The following SPACA4 variants were observed in gnomAD, a reference collection of about 807,000 sequenced individuals.
SPACA4 encodes the protein sperm acrosome membrane-associated protein 4.
For missense variants in SPACA4, 130 were observed against 169.4 expected, an observed-to-expected ratio of 0.77 and a Z score of 1.29; for synonymous variants, 63 against 77.5, an observed-to-expected ratio of 0.81 and a Z score of 0.98.
chr19:48,607,213 T>A lies in SPACA4; in HGVS notation c.235T>A (p.Tyr79Asn), dbSNP rs1361472287. The change falls in exon 1 of 1, where the codon TAC (tyrosine) becomes AAC (asparagine). Residue 79 changes from tyrosine (Y) to asparagine (N), a missense_variant. By Grantham distance (143) the Tyr-to-Asn change is moderately radical. Transcript: ENST00000321762. ...TSCGLEEPVS[Y>N]RGVTYSLTTN... is the part of the protein sequence containing the mutation. ...CTGCGGCCTTGAGGAACCCGTCAGCTACAGGGGCGTCACCTACAGCCTCAC... is the reference window on the plus strand; with the variant it reads ...CTGCGGCCTTGAGGAACCCGTCAGCAACAGGGGCGTCACCTACAGCCTCAC... 6.2e-7 allele frequency: 1 copy of A among 1,613,196 alleles called. No homozygotes were observed. Among genetic ancestry groups the A allele is most frequent in the Admixed American group, 1.7e-5 (1 of 59,960 alleles).
chr19:48,607,571 A>T lies in SPACA4; in HGVS notation c.*218A>T. 1.6e-6 allele frequency: 1 copy of T among 621,286 alleles called. No individual in the cohort carries two copies. The highest frequency in any genetic ancestry group is 2.9e-6 in the Non-Finnish European group (1 of 349,974). 38.5% of individuals were successfully genotyped at this position (621,286 alleles called of 1,614,324 possible). On this transcript the variant is annotated 3_prime_UTR_variant, in exon 1 of 1. Coordinates refer to ENST00000321762, the MANE Select transcript of SPACA4 (RefSeq NM_133498.3). ...GAGCACGGCCCGTGGGTTTGATTGT[A>T]TTACTCTGTTCCACTGGTTCTAAGA...
chr19:48,607,503 C>T lies in SPACA4; in HGVS notation c.*150C>T, dbSNP rs904316742. ...CTTCTAAGGCTGTCCACCAGGAGCC[C>T]GGTGCTAGGGGAAGCATCCCCAGGC... On this transcript the variant is annotated 3_prime_UTR_variant, in exon 1 of 1. Coordinates refer to ENST00000321762, the MANE Select transcript of SPACA4 (RefSeq NM_133498.3). 2.3e-5 allele frequency: 25 copies of T among 1,104,948 alleles called. No homozygotes were observed. Among genetic ancestry groups the T allele is most frequent in the African/African-American group, 1.3e-4 (8 of 63,062 alleles). The allele number at this position is 1,104,948 out of a possible 1,614,324, so 68.4% of individuals were successfully genotyped here.
rs147138042 is a variant in SPACA4, at chr19:48,607,031, C to T, written c.53C>T (p.Thr18Met). Residue 18 changes from threonine (T) to methionine (M), a missense_variant, in exon 1 of 1, where the codon ACG becomes ATG. By Grantham distance (81) the Thr-to-Met change is moderately conservative. Transcript: ENST00000321762. The part of the protein sequence containing the change: ...LLVMALPPGT[T>M]GVKDCVFCEL... Reference sequence around the variant, plus strand: ...GTGATGGCTCTGCCCCCAGGCACGACGGGCGTCAAGGACTGCGTCTTCTGT... The same window carrying T: ...GTGATGGCTCTGCCCCCAGGCACGATGGGCGTCAAGGACTGCGTCTTCTGT... The T allele has an allele frequency of 1.1e-4, 177 of 1,611,820 alleles. 1 individual carries two copies. Among genetic ancestry groups the T allele is most frequent in the Non-Finnish European group, 7.1e-5 (84 of 1,179,994 alleles).
Position 48,606,965 on chromosome 19 carries a change from G to A in SPACA4, c.-14G>A, listed in dbSNP as rs190082619. On this transcript the variant is annotated 5_prime_UTR_variant, in exon 1 of 1. Transcript: ENST00000321762. ...ACGGCCTGGCTGGGGCAGGGTCAAC[G>A]CCGCCAGGCCGCCATGGTCCTGTGC... 3.3e-4 allele frequency: 530 copies of A among 1,599,994 alleles called. 1 individual carries two copies. In the African/African-American group the frequency reaches 6.0e-3, roughly 18 times the overall value.
rs546733936 is a variant in SPACA4, at chr19:48,607,461, C to T, written c.*108C>T. On this transcript the variant is annotated 3_prime_UTR_variant, in exon 1 of 1. Coordinates refer to ENST00000321762, the MANE Select transcript of SPACA4 (RefSeq NM_133498.3). ...CAGAGAGGCCCTGGACAACCTCTTG[C>T]GGCCCTGGCTTCATCCCTTCTAAGG... is the stretch of plus-strand genomic sequence containing the variant. The T allele has an allele frequency of 1.8e-5, 26 of 1,405,490 alleles. No homozygotes were observed. The highest frequency in any genetic ancestry group is 1.5e-4 in the Admixed American group (6 of 40,454). 87.1% of individuals were successfully genotyped at this position (1,405,490 alleles called of 1,614,324 possible). A position where few individuals can be genotyped will look rare whatever the true frequency, so the allele number is the denominator to read the frequency against.
chr19:48,606,868 G>T lies in SPACA4; in HGVS notation c.-111G>T, dbSNP rs943190958. ...CTGACCCTGGGAGGCCAGGACCAGG[G>T]CCAAAGTCCCGTGGGCAAGAGGAGT... On this transcript the variant is annotated 5_prime_UTR_variant, in exon 1 of 1. Coordinates refer to ENST00000321762, the MANE Select transcript of SPACA4 (RefSeq NM_133498.3). 2.6e-5 allele frequency: 36 copies of T among 1,391,992 alleles called. No individual in the cohort carries two copies. In the Admixed American group the frequency reaches 9.1e-4, roughly 35 times the overall value. 86.2% of individuals were successfully genotyped at this position (1,391,992 alleles called of 1,614,324 possible). A position where few individuals can be genotyped will look rare whatever the true frequency, so the allele number is the denominator to read the frequency against.
At position 48,607,537 on chromosome 19, in the gene SPACA4, G is replaced by A; in HGVS notation, c.*184G>A. 1.3e-6 allele frequency: 1 copy of A among 786,436 alleles called. No individual in the cohort carries two copies. Among genetic ancestry groups the A allele is most frequent in the East Asian group, 2.7e-5 (1 of 37,026 alleles). The allele number at this position is 786,436 out of a possible 1,614,324, so 48.7% of individuals were successfully genotyped here. A position where few individuals can be genotyped will look rare whatever the true frequency, so the allele number is the denominator to read the frequency against. On this transcript the variant is annotated 3_prime_UTR_variant, in exon 1 of 1. Transcript: ENST00000321762. Reference sequence around the variant, plus strand: ...GGGAAGCATCCCCAGGCCTGACTGAGCGGCAGGGGAGCACGGCCCGTGGGT... The same window carrying A: ...GGGAAGCATCCCCAGGCCTGACTGAACGGCAGGGGAGCACGGCCCGTGGGT...
chr19:48,606,805 G>A lies in SPACA4; in HGVS notation c.-174G>A, dbSNP rs1973936640. The A allele has an allele frequency of 5.4e-6, 4 of 736,372 alleles. No homozygotes were observed. The highest frequency in any genetic ancestry group is 3.9e-4 in the Middle Eastern group (1 of 2,572). 45.6% of individuals were successfully genotyped at this position (736,372 alleles called of 1,614,324 possible). On this transcript the variant is annotated 5_prime_UTR_variant, in exon 1 of 1. Transcript: ENST00000321762. The stretch of plus-strand genomic sequence containing the variant: ...CTCACCTCCATCCCCAGGACTTAGA[G>A]GGACGCAGGGCGTTGGGAACAGAGG...
chr19:48,606,975 C>G lies in SPACA4; in HGVS notation c.-4C>G, dbSNP rs545086675. On this transcript the variant is annotated 5_prime_UTR_variant, in exon 1 of 1. Transcript: ENST00000321762. ...TGGGGCAGGGTCAACGCCGCCAGGC[C>G]GCCATGGTCCTGTGCTGGCTGCTGC... The G allele has an allele frequency of 6.2e-7, 1 of 1,602,632 alleles. No individual in the cohort carries two copies. The highest frequency in any genetic ancestry group is 8.5e-7 in the Non-Finnish European group (1 of 1,178,200).
rs144580788 is a variant in SPACA4 at position 48,607,683 on chromosome 19, T to C, written c.*330T>C. 1.2e-3 allele frequency: 338 copies of C among 279,624 alleles called. 2 individuals carry two copies. Among genetic ancestry groups the C allele is most frequent in the Middle Eastern group, 3.4e-3 (3 of 888 alleles). 17.3% of individuals were successfully genotyped at this position (279,624 alleles called of 1,614,324 possible). A position where few individuals can be genotyped will look rare whatever the true frequency, so the allele number is the denominator to read the frequency against. ...TGAAATATGGTAAAAAATATATATA[T>C]ATCATAATAAATGACAGCTGATGTT... is the stretch of plus-strand genomic sequence containing the variant. On this transcript the variant is annotated 3_prime_UTR_variant, in exon 1 of 1. Coordinates refer to ENST00000321762, the MANE Select transcript of SPACA4 (RefSeq NM_133498.3).
At position 48,607,163 on chromosome 19, in the gene SPACA4, AC is replaced by A. The variant is rs1283114798; in HGVS notation, c.186del (p.Asn62LysfsTer144). On this transcript the variant is annotated frameshift_variant, in exon 1 of 1. Transcript: ENST00000321762. LOFTEE classifies it low-confidence loss of function (END_TRUNC). ...GVAPGTGPVI[N>X]KGCLRATSCG... ...GCCCCGGGCACTGGTCCGGTCATCAACAAAGGCTGCCTGCGAGCCACCAGCT... is the reference window on the plus strand; with the variant it reads ...GCCCCGGGCACTGGTCCGGTCATCAAAAAGGCTGCCTGCGAGCCACCAGCT... 6.2e-7 allele frequency: 1 copy of A among 1,613,098 alleles called. No individual in the cohort carries two copies. Among genetic ancestry groups the A allele is most frequent in the South Asian group, 1.1e-5 (1 of 91,082 alleles).
Position 48,607,454 on chromosome 19 carries a change from C to T in SPACA4, c.*101C>T. The T allele has an allele frequency of 1.4e-6, 2 of 1,423,086 alleles. No homozygotes were observed. Among genetic ancestry groups the T allele is most frequent in the Non-Finnish European group, 1.9e-6 (2 of 1,063,338 alleles). The allele number at this position is 1,423,086 out of a possible 1,614,324, so 88.2% of individuals were successfully genotyped here. The stretch of plus-strand genomic sequence containing the variant: ...AAATGGCCAGAGAGGCCCTGGACAA[C>T]CTCTTGCGGCCCTGGCTTCATCCCT... On this transcript the variant is annotated 3_prime_UTR_variant, in exon 1 of 1. Coordinates refer to ENST00000321762, the MANE Select transcript of SPACA4 (RefSeq NM_133498.3).
rs2147643775 is a variant in SPACA4, at chr19:48,607,215, C to T, written c.237C>T (p.Tyr79=). The T allele has an allele frequency of 6.2e-7, 1 of 1,613,174 alleles. No homozygotes were observed. The highest frequency in any genetic ancestry group is 1.1e-5 in the South Asian group (1 of 91,056). The change falls in exon 1 of 1, where the codon TAC becomes TAT. Residue 79 remains tyrosine, a synonymous_variant. Transcript: ENST00000321762. The stretch of plus-strand genomic sequence containing the variant: ...GCGGCCTTGAGGAACCCGTCAGCTA[C>T]AGGGGCGTCACCTACAGCCTCACCA... ...TSCGLEEPVS[Y]RGVTYSLTTN...
Position 48,606,975 on chromosome 19 carries a change from C to T in SPACA4, c.-4C>T, listed in dbSNP as rs545086675. 5.6e-6 allele frequency: 9 copies of T among 1,602,632 alleles called. No individual in the cohort carries two copies. The highest frequency in any genetic ancestry group is 4.0e-5 in the African/African-American group (3 of 75,002). On this transcript the variant is annotated 5_prime_UTR_variant, in exon 1 of 1. Transcript: ENST00000321762. ...TGGGGCAGGGTCAACGCCGCCAGGC[C>T]GCCATGGTCCTGTGCTGGCTGCTGC...
Position 48,607,686 on chromosome 19 carries a change from C to A in SPACA4, c.*333C>A. On this transcript the variant is annotated 3_prime_UTR_variant, in exon 1 of 1. Coordinates refer to ENST00000321762, the MANE Select transcript of SPACA4 (RefSeq NM_133498.3). The stretch of plus-strand genomic sequence containing the variant: ...AATATGGTAAAAAATATATATATAT[C>A]ATAATAAATGACAGCTGATGTTCAT... 3.7e-6 allele frequency: 1 copy of A among 273,406 alleles called. No individual in the cohort carries two copies. The highest frequency in any genetic ancestry group is 7.0e-6 in the Non-Finnish European group (1 of 141,870). 16.9% of individuals were successfully genotyped at this position (273,406 alleles called of 1,614,324 possible).
rs1330635636 is a variant in SPACA4, at chr19:48,606,879, G to A, written c.-100G>A. On this transcript the variant is annotated 5_prime_UTR_variant, in exon 1 of 1. In the 5' UTR this introduces an upstream ATG that the reference lacks. Transcript: ENST00000321762. ...AGGCCAGGACCAGGGCCAAAGTCCC[G>A]TGGGCAAGAGGAGTCCTCAGAGGTC... 18 of 1,440,008 alleles carry A rather than the reference G, an allele frequency of 1.2e-5. No individual in the cohort carries two copies. Among genetic ancestry groups the A allele is most frequent in the South Asian group, 2.7e-5 (2 of 73,492 alleles). The allele number at this position is 1,440,008 out of a possible 1,614,324, so 89.2% of individuals were successfully genotyped here. A position where few individuals can be genotyped will look rare whatever the true frequency, so the allele number is the denominator to read the frequency against.
Position 48,607,287 on chromosome 19 carries a change from G to A in SPACA4, c.309G>A (p.Gln103=), listed in dbSNP as rs1376100584. ...GRLCNRAPSS[Q]TVGATTSLAL... ...TGTGTAACAGAGCCCCGAGCAGCCA[G>A]ACAGTGGGGGCCACCACCAGCCTGG... The change falls in exon 1 of 1, where the codon CAG becomes CAA. Residue 103 remains glutamine (Q), a synonymous_variant. Transcript: ENST00000321762. 9.4e-6 allele frequency: 15 copies of A among 1,599,758 alleles called. No individual in the cohort carries two copies. The highest frequency in any genetic ancestry group is 1.3e-5 in the Non-Finnish European group (15 of 1,173,208).
At position 48,607,553 on chromosome 19, in the gene SPACA4, G is replaced by A; in HGVS notation, c.*200G>A. The A allele has an allele frequency of 5.9e-6, 4 of 681,312 alleles. No homozygotes were observed. The highest frequency in any genetic ancestry group is 1.0e-5 in the Non-Finnish European group (4 of 401,022). The allele number at this position is 681,312 out of a possible 1,614,324, so 42.2% of individuals were successfully genotyped here. A position where few individuals can be genotyped will look rare whatever the true frequency, so the allele number is the denominator to read the frequency against. On this transcript the variant is annotated 3_prime_UTR_variant, in exon 1 of 1. Coordinates refer to ENST00000321762, the MANE Select transcript of SPACA4 (RefSeq NM_133498.3). ...CCTGACTGAGCGGCAGGGGAGCACG[G>A]CCCGTGGGTTTGATTGTATTACTCT...
rs1973939179 is a variant in SPACA4 at position 48,606,875 on chromosome 19, T to A, written c.-104T>A. The stretch of plus-strand genomic sequence containing the variant: ...TGGGAGGCCAGGACCAGGGCCAAAG[T>A]CCCGTGGGCAAGAGGAGTCCTCAGA... On this transcript the variant is annotated 5_prime_UTR_variant, in exon 1 of 1. Transcript: ENST00000321762. 1 of 1,420,322 alleles carries A rather than the reference T, an allele frequency of 7.0e-7. No individual in the cohort carries two copies. Among genetic ancestry groups the A allele is most frequent in the Non-Finnish European group, 9.3e-7 (1 of 1,071,106 alleles). 88.0% of individuals were successfully genotyped at this position (1,420,322 alleles called of 1,614,324 possible).
Sources: allele counts gnomAD v4.1 joint callset, GRCh38; gene constraint gnomAD v4.1.1; transcripts MANE v1.5; gene names NCBI Gene and HGNC (gene_info 2026-07-23, HGNC 2026-07-21).